ARMCX4: variants seen among roughly 807,000 people sequenced by gnomAD.
ARMCX4 encodes the protein armadillo repeat-containing X-linked protein 4.
In ARMCX4, 3 loss-of-function variants were observed where a neutral mutation model predicts 34.7. The observed-to-expected ratio is 0.09, with a 90% CI of 0.04 to 0.22. The LOEUF is 0.22. ARMCX4 is among the 10% of genes least tolerant of loss of function. The pLI is 1.00. For synonymous variants in ARMCX4, 513 were observed against 632.8 expected (o/e 0.81, Z 2.84); for missense variants, 1,448 against 1,720.8 (o/e 0.84, Z 2.81).
Position 101,494,167 on chromosome X carries a change from A to G in ARMCX4, c.5578A>G (p.Thr1860Ala). The G allele has an allele frequency of 9.3e-7, 1 of 1,070,735 alleles. No homozygotes were observed. Among genetic ancestry groups the G allele is most frequent in the Non-Finnish European group, 1.2e-6 (1 of 824,733 alleles). 88.2% of individuals were successfully genotyped at this position (1,070,735 alleles called of 1,213,427 possible). A position where few individuals can be genotyped will look rare whatever the true frequency, so the allele number is the denominator to read the frequency against. ...TTGGTCCTGGGATGGAGATGCAACC[A>G]CTGTAGAGTCTAGGCTTGGGGCTGG... ...GIWSWDGDAT[T>A]VESRLGAGEE... Residue 1860 changes from threonine (T) to alanine (A), a missense_variant, in exon 6 of 6, where the codon ACT (threonine) becomes GCT (alanine). Transcript: ENST00000423738.
At chrX:101,504,320 G>A (rs987494063) in intron 7 of ARMCX4, among the ~76,000 whole-genome samples, 1 of 111,556 alleles carries the variant, frequency 9.0e-6, no homozygotes, top group African/African-American at 3.3e-5. Flanking sequence ...CCAATTCTGT[G>A]AAGAAAGTCA....
downstream of ARMCX4, among the ~76,000 whole-genome samples, chrX:101,446,676 C>T (rs1273092076): frequency 9.0e-6 from 1 of 110,969 alleles, no homozygotes; most frequent in Admixed American, 9.7e-5. Flanking sequence ...TTGGCTGAGG[C>T]CAGTTGTGGC....
At chrX:101,535,791 T>C (rs1935208803), downstream of ARMCX4, among the ~76,000 whole-genome samples, 1 of 112,093 alleles carries the variant, frequency 8.9e-6, no homozygotes, top group African/African-American at 3.2e-5. Flanking sequence ...TAGATGATCA[T>C]GGTTACTTTT....
At chrX:101,433,398 A>G (rs1389843173) in intron 2 of ARMCX4, among the ~76,000 whole-genome samples, 3 of 110,166 alleles carry the variant, frequency 2.7e-5, no homozygotes, top group East Asian at 5.7e-4. Flanking sequence ...ATATATACAT[A>G]CATATAAACA....
At chrX:101,444,059 A>G in exon 3 of ARMCX4, 1 of 354,330 alleles carries the variant, frequency 2.8e-6, no homozygotes, top group Non-Finnish European at 5.4e-6. Flanking sequence ...CAGTGCTCAG[A>G]GCATGAAAAT....
intron 11 of ARMCX4, among the ~76,000 whole-genome samples, chrX:101,513,608 GA>G (rs1556016966): frequency 9.0e-6 from 1 of 111,554 alleles, no homozygotes; most frequent in Admixed American, 9.5e-5. Context: ...ATGAAATGAG[GA>G]AAAAATACAC....
At position 101,491,446 on chromosome X, in the gene ARMCX4, G is replaced by A. The variant is rs1933976538; in HGVS notation, c.2857G>A (p.Val953Met). ...GIMGSVQVQV[V>M]ASFQGEVLPG... ...AATGGGCTCTGTCCAGGTCCAGGTT[G>A]TGGCCAGTTTTCAGGGTGAGGTCTT... The change falls in exon 6 of 6, where the codon GTG (valine) becomes ATG (methionine). Residue 953 changes from valine to methionine, a missense_variant. Val to Met is a conservative substitution (Grantham distance 21, BLOSUM62 1). Coordinates refer to ENST00000423738, the MANE Select transcript of ARMCX4 (RefSeq NM_001256155.3). The A allele has an allele frequency of 8.6e-7, 1 of 1,156,311 alleles. No individual in the cohort carries two copies.
intron 4 of ARMCX4, among the ~76,000 whole-genome samples, chrX:101,480,173 CACAT>C (rs1384994537): frequency 3.5e-4 from 35 of 101,021 alleles, no homozygotes; most frequent in African/African-American, 6.5e-4. Context: ...CACACACACA[CACAT>C]ATATATGCAA....
downstream of ARMCX4, chrX:101,498,051 C>A: frequency 6.8e-6 from 2 of 292,625 alleles, no homozygotes; most frequent in Non-Finnish European, 1.3e-5. Context: ...TATTTCACAT[C>A]CAATTACTGA....
rs1287326725 is a variant in ARMCX4, at chrX:101,489,747, C to T, written c.1158C>T (p.Val386=). ...TTGATGGTAGGGGAAATACCAATGT[C>T]ATATCTAAGGCAATAACTGGAGCTG... ...ARVDGRGNTN[V]ISKAITGADM... The change falls in exon 6 of 6, where the codon GTC becomes GTT. Residue 386 remains valine (V), a synonymous_variant. Coordinates refer to ENST00000423738, the MANE Select transcript of ARMCX4 (RefSeq NM_001256155.3). 17 of 1,153,434 alleles carry T rather than the reference C, an allele frequency of 1.5e-5. No individual in the cohort carries two copies. The highest frequency in any genetic ancestry group is 4.6e-4 in the Middle Eastern group (2 of 4,319).
Position 101,488,088 on chromosome X carries a change from G to A in ARMCX4, c.-158G>A, listed in dbSNP as rs199644276. On this transcript the variant is annotated 5_prime_UTR_variant, in exon 5 of 6. Transcript: ENST00000423738. ...CAAGAGGAGAGGAGGGAACTGCCTC[G>A]GATCATTACAGGTTGGTATGAGGGT... 7.7e-6 allele frequency: 7 copies of A among 913,362 alleles called. No individual in the cohort carries two copies. Among genetic ancestry groups the A allele is most frequent in the African/African-American group, 2.1e-5 (1 of 48,718 alleles). 75.3% of individuals were successfully genotyped at this position (913,362 alleles called of 1,213,427 possible).
chrX:101,462,217 A>G (rs930865620), intron 4 of ARMCX4, among the ~76,000 whole-genome samples: 1 of 112,277 alleles, frequency 8.9e-6, no homozygotes, highest in African/African-American at 3.2e-5. Flanking sequence ...ACATCTGGAG[A>G]ACATGCACCT....
chrX:101,498,236 G>T (rs1934224211), downstream of ARMCX4: 1 of 320,008 alleles, frequency 3.1e-6, no homozygotes, highest in Non-Finnish European at 6.0e-6. Flanking sequence ...TGCAACAGTT[G>T]GTACAAGAAG....
At chrX:101,471,954 G>A (rs1556003106) in intron 4 of ARMCX4, among the ~76,000 whole-genome samples, 1 of 101,013 alleles carries the variant, frequency 9.9e-6, no homozygotes, top group Non-Finnish European at 2.0e-5. Context: ...AAAGCTGGAT[G>A]GAGAATGACT....
At position 101,490,067 on chromosome X, in the gene ARMCX4, G is replaced by A. The variant is rs1556008222; in HGVS notation, c.1478G>A (p.Arg493Lys). The change falls in exon 6 of 6, where the codon AGG (arginine) becomes AAG (lysine). Residue 493 changes from arginine to lysine, a missense_variant. By Grantham distance (26) the Arg-to-Lys change is conservative (BLOSUM62 2). Transcript: ENST00000423738. ...TTGTCTGATGGCAAAATTAAGGTCA[G>A]GGGCAATGTCAATACCATGCCTAAG... ...DTLSDGKIKVRGNVNTMPKEG... is the reference protein window; with the variant it reads ...DTLSDGKIKVKGNVNTMPKEG... The A allele has an allele frequency of 1.7e-6, 2 of 1,155,950 alleles. No homozygotes were observed. The highest frequency in any genetic ancestry group is 2.3e-4 in the Middle Eastern group (1 of 4,303).
Position 101,492,834 on chromosome X carries a change from G to T in ARMCX4, c.4245G>T (p.Val1415=), listed in dbSNP as rs1556010060. The stretch of plus-strand genomic sequence containing the variant: ...GCCAGGCTGGTGGAGGGTCCAAGGT[G>T]GGGCCTGAAGACCAGTCCAGTGGAA... The part of the protein sequence containing the change: ...AGGQAGGGSK[V]GPEDQSSGRS... Residue 1415 remains valine (V), a synonymous_variant, in exon 6 of 6, where the codon GTG becomes GTT. Coordinates refer to ENST00000423738, the MANE Select transcript of ARMCX4 (RefSeq NM_001256155.3). 3.5e-6 allele frequency: 4 copies of T among 1,152,121 alleles called. No homozygotes were observed. The highest frequency in any genetic ancestry group is 4.6e-6 in the Non-Finnish European group (4 of 871,652). 94.9% of individuals were successfully genotyped at this position (1,152,121 alleles called of 1,213,427 possible).
intron 2 of ARMCX4, among the ~76,000 whole-genome samples, chrX:101,420,773 G>T (rs1555989898): frequency 8.9e-6 from 1 of 112,786 alleles, no homozygotes; most frequent in East Asian, 2.8e-4. Flanking sequence ...TCAACAGGCA[G>T]TTGGGACAGC....
At chrX:101,484,182 T>C (rs1011567856), upstream of ARMCX4, among the ~76,000 whole-genome samples, 4 of 111,687 alleles carry the variant, frequency 3.6e-5, no homozygotes, top group Non-Finnish European at 5.6e-5. Context: ...TGTGTTGCAG[T>C]GATTCACAGT....
chrX:101,441,967 A>G lies in ARMCX4; in HGVS notation n.165-2085A>G, dbSNP rs148656741. On this transcript the variant is annotated intron_variant and non_coding_transcript_variant, in intron 2 of 3. Coordinates refer to the ARMCX4 transcript ENST00000430461. ...ATAAGTTGTGTTTTAACAAGTGCTC[A>G]GGGTGGTTCTGCTGCAGGGAATTAC... 5.9e-3 allele frequency among the ~76,000 whole-genome samples: 666 copies of G among 112,052 alleles called. 8 individuals carry two copies. The highest frequency in any genetic ancestry group is 0.021 in the African/African-American group (643 of 30,836).
Sources: allele counts gnomAD v4.1 joint callset (sites outside exome capture counted in the v4.1 genomes callset), GRCh38; gene constraint gnomAD v4.1.1; transcripts MANE v1.5; gene names NCBI Gene and HGNC (gene_info 2026-07-23, HGNC 2026-07-21).